Variants in XPO4 observed in about 807,000 individuals in gnomAD.
The protein encoded by XPO4 is exportin-4.
A neutral mutation model predicts 143.0 loss-of-function variants in XPO4; 39 were observed. The observed-to-expected ratio is 0.27, with a 90% CI of 0.21 to 0.36. The LOEUF is 0.36. Ranked by LOEUF, XPO4 falls within the 10% of genes least tolerant of loss-of-function variation. The pLI is 1.00. For synonymous variants in XPO4, 439 were observed against 474.0 expected (o/e 0.93, Z 0.96); for missense variants, 907 against 1,348.0 (o/e 0.67, Z 5.12).
chr13:20,861,661 C>T (rs935343231), intron 3 of XPO4, among the ~76,000 whole-genome samples: 1 of 151,422 alleles, frequency 6.6e-6, no homozygotes, highest in Non-Finnish European at 1.5e-5. Context: ...TTAAGCAATA[C>T]AGATATGTAT....
chr13:20,850,370 C>G (rs1566606144), intron 4 of XPO4: 1 of 736,624 alleles, frequency 1.4e-6, no homozygotes, highest in Non-Finnish European at 1.7e-6. Flanking sequence ...CAATAAATGG[C>G]AGAGCTGGGA....
rs542873455 is a variant in XPO4 at position 20,825,229 on chromosome 13, C to A, written c.840+1838G>T. Reference sequence around the variant, plus strand: ...AAACTTCTATAGGGCAGAATGCAACCCAAAGTATTCCAACATATTTAAAGT... The same window carrying A: ...AAACTTCTATAGGGCAGAATGCAACACAAAGTATTCCAACATATTTAAAGT... On this transcript the variant is annotated intron_variant, in intron 7 of 22. Transcript: ENST00000255305. 5.9e-5 allele frequency among the ~76,000 whole-genome samples: 9 copies of A among 152,090 alleles called. No homozygotes were observed. In the South Asian group the frequency reaches 1.9e-3, roughly 32 times the overall value.
Position 20,807,530 on chromosome 13 carries a change from G to A in XPO4, c.1744C>T (p.Leu582Phe), listed in dbSNP as rs1315886877. The change falls in exon 13 of 23, where the codon CTT (leucine) becomes TTT (phenylalanine). Residue 582 changes from leucine (L) to phenylalanine (F), a missense_variant. Leu to Phe is a conservative substitution (Grantham distance 22). Transcript: ENST00000255305. ...TCTCCTGGAGATCCCAAAATTTGAA[G>A]TGTTGTATTAATGTCAACTTCAGAT... ...HSSEVDINTTLQILGSPGEKA... is the reference protein window; with the variant it reads ...HSSEVDINTTFQILGSPGEKA... The A allele has an allele frequency of 5.6e-6, 9 of 1,613,576 alleles. No individual in the cohort carries two copies. The highest frequency in any genetic ancestry group is 6.8e-6 in the Non-Finnish European group (8 of 1,179,828).
intron 10 of XPO4, 146 bp downstream of exon 10, chr13:20,809,644 AG>A: frequency 1.3e-6 from 1 of 796,480 alleles, no homozygotes; most frequent in South Asian, 2.6e-5. Context: ...CATTTTAATA[AG>A]AACTCAGAGA....
chr13:20,797,092 AG>A, intron 16 of XPO4, 35 bp from the exon 17 acceptor site: 2 of 1,527,382 alleles, frequency 1.3e-6, no homozygotes, highest in Non-Finnish European at 1.8e-6. Context: ...CTTAAAGCTC[AG>A]TTCTCATGCT....
At position 20,807,461 on chromosome 13, in the gene XPO4, T is replaced by G; in HGVS notation, c.1813A>C (p.Ile605Leu). Residue 605 changes from isoleucine to leucine, a missense_variant, in exon 13 of 23, where the codon ATT becomes CTT. Coordinates refer to ENST00000255305, the MANE Select transcript of XPO4 (RefSeq NM_022459.5). ...CAGCTATAGAGTTTATATTACCTAA[T>G]CACAGAATCTGTTCTGTTGTACCCT... ...IPGYNRTDSV[I>L]RLLSAILRVS... is the part of the protein sequence containing the mutation. 1 of 1,610,548 alleles carries G rather than the reference T, an allele frequency of 6.2e-7. No individual in the cohort carries two copies. The highest frequency in any genetic ancestry group is 8.5e-7 in the Non-Finnish European group (1 of 1,178,852).
At chr13:20,891,193 A>G (rs2060512936) in intron 1 of XPO4, among the ~76,000 whole-genome samples, 1 of 151,342 alleles carries the variant, frequency 6.6e-6, no homozygotes, top group Admixed American at 6.6e-5. Flanking sequence ...CTAACACAGT[A>G]GCCACTACCA....
Position 20,822,078 on chromosome 13 carries a change from T to C in XPO4, c.998+54A>G, listed in dbSNP as rs545815869. On this transcript the variant is annotated intron_variant, in intron 8 of 22. Coordinates refer to ENST00000255305, the MANE Select transcript of XPO4 (RefSeq NM_022459.5). ...ACTAGTTTCTTTTTTTCTTCTACTGTTAAACACAAAACGTAGAGCTCCTTT... is the reference window on the plus strand; with the variant it reads ...ACTAGTTTCTTTTTTTCTTCTACTGCTAAACACAAAACGTAGAGCTCCTTT... 5.6e-4 allele frequency: 871 copies of C among 1,543,922 alleles called. 14 individuals carry two copies. In the South Asian group the frequency reaches 0.011, roughly 19 times the overall value.
At chr13:20,893,810 C>T (rs1050350982) in intron 1 of XPO4, among the ~76,000 whole-genome samples, 6 of 151,206 alleles carry the variant, frequency 4.0e-5, no homozygotes, top group Non-Finnish European at 8.8e-5. Flanking sequence ...TAAATTAGAA[C>T]CTCCGTAGGT....
At position 20,783,318 on chromosome 13, in the gene XPO4, GATTT is replaced by G; in HGVS notation, c.*400_*403del. On this transcript the variant is annotated 3_prime_UTR_variant, in exon 23 of 23. Coordinates refer to ENST00000255305, the MANE Select transcript of XPO4 (RefSeq NM_022459.5). ...TCAAGTGATGCAGGCGATCTATGGA[GATTT>G]TGAGAAACACTGCCTAGCATATATC... 5.3e-6 allele frequency: 1 copy of G among 188,436 alleles called. No homozygotes were observed. The highest frequency in any genetic ancestry group is 1.1e-5 in the Non-Finnish European group (1 of 90,372). 11.7% of individuals were successfully genotyped at this position (188,436 alleles called of 1,614,324 possible).
intron 1 of XPO4, among the ~76,000 whole-genome samples, chr13:20,889,333 T>C (rs561180133): frequency 4.2e-4 from 64 of 152,304 alleles, no homozygotes; most frequent in Non-Finnish European, 6.2e-4. Context: ...CTGTCAATCA[T>C]GGTAAAATGG....
chr13:20,830,668 A>T (rs901982616), intron 6 of XPO4, among the ~76,000 whole-genome samples: 66 of 152,320 alleles, frequency 4.3e-4, no homozygotes, highest in Admixed American at 3.7e-3. Flanking sequence ...CAGTATAATA[A>T]ACGTTTATAT....
intron 6 of XPO4, among the ~76,000 whole-genome samples, chr13:20,841,251 C>A (rs1174453914): frequency 1.3e-5 from 2 of 152,064 alleles, no homozygotes; most frequent in African/African-American, 4.8e-5. Flanking sequence ...AACACTGGAG[C>A]AAGAAGCTGA....
chr13:20,824,995 C>T (rs78301982), intron 7 of XPO4, among the ~76,000 whole-genome samples: 4 of 152,144 alleles, frequency 2.6e-5, no homozygotes, highest in South Asian at 4.1e-4. Flanking sequence ...TGAAGTCCTA[C>T]GTGTCAAAGA....
intron 18 of XPO4, among the ~76,000 whole-genome samples, chr13:20,794,662 T>G (rs111771965): frequency 6.6e-6 from 1 of 152,062 alleles, no homozygotes; most frequent in Non-Finnish European, 1.5e-5. Context: ...AAGCCTGAGG[T>G]TGAGGCTGCA....
intron 4 of XPO4, chr13:20,852,029 AGGCAAGGGACTCTTGACCCTT>A (rs1453639578): frequency 2.0e-6 from 2 of 985,286 alleles, no homozygotes; most frequent in African/African-American, 3.5e-5. Context: ...TTCCTGAGAG[AGGCAAGGGACTCTTGACCCTT>A]CGCCTGCGCC....
intron 2 of XPO4, among the ~76,000 whole-genome samples, chr13:20,868,168 TA>T (rs148953281): frequency 0.097 from 13,702 of 141,562 alleles, 774 homozygotes; most frequent in Non-Finnish European, 0.13. Flanking sequence ...ACTAAATGGT[TA>T]AAAAAAAAAA....
At chr13:20,858,912 ATG>A (rs1348738233) in intron 3 of XPO4, among the ~76,000 whole-genome samples, 2 of 18,840 alleles carry the variant, frequency 1.1e-4, no homozygotes, top group African/African-American at 3.3e-4. Flanking sequence ...ATATATATAT[ATG>A]TGTGTGTGTA....
chr13:20,843,939 G>C (rs2060004717), intron 4 of XPO4, 53 bp from the exon 5 acceptor site: 1 of 1,319,304 alleles, frequency 7.6e-7, no homozygotes, highest in African/African-American at 1.4e-5. Flanking sequence ...TCAACGCTTT[G>C]TTTCAATGCA....
Sources: gnomAD v4.1 joint callset for allele counts (sites outside exome capture counted in the v4.1 genomes callset) on GRCh38, gnomAD v4.1.1 for gene constraint, MANE v1.5 for transcripts, NCBI Gene and HGNC (gene_info 2026-07-23, HGNC 2026-07-21) for gene names.